SEMA3E: variants seen among roughly 807,000 people sequenced by gnomAD.
SEMA3E encodes semaphorin 3E.
Under a neutral mutation model 93.6 loss-of-function variants are expected in SEMA3E, and 49 were observed. The observed-to-expected ratio is 0.52, with a 90% confidence interval of 0.42 to 0.66. The LOEUF is 0.66. SEMA3E is among the 30% of genes least tolerant of loss of function. SEMA3E has a pLI of 0.00. For missense variants in SEMA3E, 906 were observed against 964.8 expected (o/e 0.94, Z 0.81); for synonymous variants, 363 against 330.7 (o/e 1.10, Z -1.06).
At chr7:83,539,413 C>A (rs1223527457) in intron 1 of SEMA3E, among the ~76,000 whole-genome samples, 1 of 152,138 alleles carries the variant, frequency 6.6e-6, no homozygotes, top group Non-Finnish European at 1.5e-5. Flanking sequence ...GCTCCAATTA[C>A]TTTTTAAATA....
At chr7:83,454,296 T>TATATATATATATATATATATATAA (rs1350195502) in intron 4 of SEMA3E, among the ~76,000 whole-genome samples, 3 of 130,628 alleles carry the variant, frequency 2.3e-5, no homozygotes, top group Admixed American at 8.2e-5. Flanking sequence ...TATATATATA[T>TATATATATATATATATATATATAA]AATGTGTGTA....
At chr7:83,433,982 A>G (rs187530369) in intron 4 of SEMA3E, among the ~76,000 whole-genome samples, 138 of 152,200 alleles carry the variant, frequency 9.1e-4, no homozygotes, top group Middle Eastern at 3.4e-3. Context: ...ATACTTAATA[A>G]TTTTCTTTAA....
intron 1 of SEMA3E, among the ~76,000 whole-genome samples, chr7:83,626,788 T>C (rs1193234167): frequency 1.3e-5 from 2 of 152,174 alleles, no homozygotes; most frequent in African/African-American, 2.4e-5. Flanking sequence ...AGTCTTTTAA[T>C]TGTGATGTTA....
In SEMA3E at chr7:83,455,988, T is replaced by C. The variant is rs372521785; in HGVS notation, c.456+10494A>G. Among the ~76,000 whole-genome samples, 23 of 152,368 alleles carry C rather than the reference T, an allele frequency of 1.5e-4. No individual in the cohort carries two copies. The South Asian group carries it at 2.3e-3, about 15-fold the overall frequency. Reference sequence around the variant, plus strand: ...GCAGAGGAGCCAACTAAACAGTGCCTGGACTCTCACGTCCCACAGAAACTG... The same window carrying C: ...GCAGAGGAGCCAACTAAACAGTGCCCGGACTCTCACGTCCCACAGAAACTG... On this transcript the variant is annotated intron_variant, in intron 4 of 16. Coordinates refer to ENST00000643230, the MANE Select transcript of SEMA3E (RefSeq NM_012431.3).
chr7:83,390,062 C>CATATATACGCGTATATGTGT, intron 14 of SEMA3E, among the ~76,000 whole-genome samples: 2 of 110,312 alleles, frequency 1.8e-5, no homozygotes, highest in African/African-American at 7.0e-5. Flanking sequence ...TACGTGTGCA[C>CATATATACGCGTATATGTGT]ATATATGCGC....
At chr7:83,482,834 G>T (rs1790175578) in intron 2 of SEMA3E, among the ~76,000 whole-genome samples, 1 of 152,114 alleles carries the variant, frequency 6.6e-6, no homozygotes, top group South Asian at 2.1e-4. Context: ...TAGGTTAAAA[G>T]AGAAAGAAAA....
chr7:83,439,799 A>T (rs1416585514), intron 4 of SEMA3E, among the ~76,000 whole-genome samples: 1 of 152,220 alleles, frequency 6.6e-6, no homozygotes, highest in Non-Finnish European at 1.5e-5. Context: ...TAATATCCTT[A>T]ACGTATTTTC....
At chr7:83,466,344 TTC>T (rs1367600347) in intron 4 of SEMA3E, 136 bp downstream of exon 4, 1 of 1,029,314 alleles carries the variant, frequency 9.7e-7, no homozygotes, top group Non-Finnish European at 1.4e-6. Context: ...GAAAGATAAT[TTC>T]TCTGTCTCAA....
intron 1 of SEMA3E, among the ~76,000 whole-genome samples, chr7:83,496,900 G>A (rs1790500646): frequency 6.6e-6 from 1 of 152,074 alleles, no homozygotes; most frequent in Non-Finnish European, 1.5e-5. Flanking sequence ...AGAAAACACA[G>A]TGAAATAATG....
chr7:83,477,072 G>C lies in SEMA3E; in HGVS notation c.277-7770C>G, dbSNP rs561786260. Among the ~76,000 whole-genome samples the C allele has an allele frequency of 9.2e-5, 14 of 152,204 alleles. No individual in the cohort carries two copies. In the South Asian group the frequency reaches 2.5e-3, roughly 27 times the overall value. ...TTATACCAGGATTAAGGATCTAACA[G>C]CTTATTGTTACAAGACGTTATGACA... is the stretch of plus-strand genomic sequence containing the variant. On this transcript the variant is annotated intron_variant, in intron 2 of 16. Coordinates refer to ENST00000643230, the MANE Select transcript of SEMA3E (RefSeq NM_012431.3).
At chr7:83,502,558 C>T (rs1432545537) in intron 1 of SEMA3E, among the ~76,000 whole-genome samples, 1 of 151,900 alleles carries the variant, frequency 6.6e-6, no homozygotes, top group Admixed American at 6.6e-5. Context: ...ACTCTGTCTT[C>T]CCAGTCTTAA....
At chr7:83,446,999 T>C (rs2115804848) in intron 4 of SEMA3E, among the ~76,000 whole-genome samples, 1 of 152,310 alleles carries the variant, frequency 6.6e-6, no homozygotes, top group South Asian at 2.1e-4. Context: ...CTTCACTATA[T>C]ACTATTTTGG....
chr7:83,631,648 C>T (rs1793788879), intron 1 of SEMA3E, among the ~76,000 whole-genome samples: 1 of 152,082 alleles, frequency 6.6e-6, no homozygotes, highest in Non-Finnish European at 1.5e-5. Flanking sequence ...TTTCAGGGCA[C>T]CACACACTGT....
chr7:83,643,588 A>G (rs1487027150), intron 1 of SEMA3E, among the ~76,000 whole-genome samples: 6 of 152,022 alleles, frequency 3.9e-5, no homozygotes, highest in Non-Finnish European at 5.9e-5. Context: ...TCATATATCC[A>G]GATGCACTGA....
intron 4 of SEMA3E, among the ~76,000 whole-genome samples, chr7:83,431,913 C>T (rs187705711): frequency 8.2e-4 from 124 of 150,992 alleles, no homozygotes; most frequent in African/African-American, 2.8e-3. Flanking sequence ...CTCTTCTGTG[C>T]AGGTGCCACC....
At chr7:83,601,569 G>C (rs1039497793) in intron 1 of SEMA3E, among the ~76,000 whole-genome samples, 3 of 152,072 alleles carry the variant, frequency 2.0e-5, no homozygotes, top group Non-Finnish European at 4.4e-5. Context: ...TCTGACCCAA[G>C]CTCTTATAGT....
chr7:83,571,269 A>G (rs1792280892), intron 1 of SEMA3E, among the ~76,000 whole-genome samples: 1 of 152,150 alleles, frequency 6.6e-6, no homozygotes, highest in Non-Finnish European at 1.5e-5. Flanking sequence ...GAGACAATGA[A>G]AAAAGAAAAC....
At chr7:83,440,574 T>C (rs952416598) in intron 4 of SEMA3E, among the ~76,000 whole-genome samples, 1 of 152,146 alleles carries the variant, frequency 6.6e-6, no homozygotes, top group Non-Finnish European at 1.5e-5. Context: ...AACAGGCAGA[T>C]CTTATTCCAA....
chr7:83,421,151 C>T lies in SEMA3E; in HGVS notation c.457-2668G>A, dbSNP rs1005945311. On this transcript the variant is annotated intron_variant, in intron 4 of 16. Transcript: ENST00000643230. ...TTTTTAATAGTTTGGAAAAGAATAA[C>T]AAAATGTACTCTCAATAATTTGGAA... is the stretch of plus-strand genomic sequence containing the variant. Among the ~76,000 whole-genome samples the T allele has an allele frequency of 2.1e-5, 3 of 141,712 alleles. 1 individual carries two copies. The highest frequency in any genetic ancestry group is 3.2e-5 in the Non-Finnish European group (2 of 62,356). 93.0% of individuals were successfully genotyped at this position (141,712 alleles called of 152,430 possible). A position where few individuals can be genotyped will look rare whatever the true frequency, so the allele number is the denominator to read the frequency against.
Sources: gnomAD v4.1 joint callset for allele counts (sites outside exome capture counted in the v4.1 genomes callset) on GRCh38, gnomAD v4.1.1 for gene constraint, MANE v1.5 for transcripts, NCBI Gene and HGNC (gene_info 2026-07-23, HGNC 2026-07-21) for gene names.